The following CTNNA2 variants were observed in gnomAD, a reference collection of about 807,000 sequenced individuals.
The protein encoded by CTNNA2 is catenin alpha 2, also known as catenin alpha-2.
Under a neutral mutation model 101.0 loss-of-function variants are expected in CTNNA2, and 42 were observed. The observed-to-expected ratio is 0.42, with a 90% CI of 0.32 to 0.54. The LOEUF is 0.54. Ranked by LOEUF, CTNNA2 falls within the 20% of genes least tolerant of loss-of-function variation. CTNNA2 has a pLI of 0.14. For synonymous variants in CTNNA2, 450 were observed against 456.4 expected (o/e 0.99, Z 0.18); for missense variants, 871 against 1,223.1 (o/e 0.71, Z 4.29).
chr2:80,436,645 G>A (rs1170377784), intron 9 of CTNNA2, among the ~76,000 whole-genome samples: 1 of 152,136 alleles, frequency 6.6e-6, no homozygotes, highest in African/African-American at 2.4e-5. Flanking sequence ...CACAGTTCCA[G>A]AGGCTGGGAG....
chr2:80,004,485 T>A (rs1693186352), intron 7 of CTNNA2, among the ~76,000 whole-genome samples: 1 of 152,102 alleles, frequency 6.6e-6, no homozygotes, highest in African/African-American at 2.4e-5. Flanking sequence ...AACAAATACC[T>A]GCTGAACACT....
chr2:79,824,927 A>T (rs191106608), intron 3 of CTNNA2, among the ~76,000 whole-genome samples: 55 of 152,284 alleles, frequency 3.6e-4, no homozygotes, highest in African/African-American at 1.3e-3. Context: ...ATAGTAGTTC[A>T]CACCTGTAAT....
At chr2:80,078,480 T>C (rs1698904760) in intron 7 of CTNNA2, among the ~76,000 whole-genome samples, 1 of 152,020 alleles carries the variant, frequency 6.6e-6, no homozygotes, top group Admixed American at 6.5e-5. Flanking sequence ...TGGACATGGG[T>C]CATGTGATTA....
At chr2:79,260,467 C>CT (rs1465988381) in intron 2 of CTNNA2, among the ~76,000 whole-genome samples, 1 of 152,120 alleles carries the variant, frequency 6.6e-6, no homozygotes, top group Non-Finnish European at 1.5e-5. Flanking sequence ...TTTTATTTTC[C>CT]TAGTCACTTG....
intron 3 of CTNNA2, among the ~76,000 whole-genome samples, chr2:79,854,649 G>C (rs561070939): frequency 6.6e-6 from 1 of 152,032 alleles, no homozygotes; most frequent in Non-Finnish European, 1.5e-5. Context: ...GTTATTTTCC[G>C]TTGGTCCCTT....
chr2:80,497,645 T>C (rs1320306811), intron 9 of CTNNA2, among the ~76,000 whole-genome samples: 1 of 152,192 alleles, frequency 6.6e-6, no homozygotes, highest in Admixed American at 6.5e-5. Flanking sequence ...ATGAATATGA[T>C]GGGATAGTCA....
chr2:80,394,150 C>T (rs1677782077), intron 8 of CTNNA2, among the ~76,000 whole-genome samples: 1 of 152,210 alleles, frequency 6.6e-6, no homozygotes, highest in African/African-American at 2.4e-5. Context: ...GCAGCACCTG[C>T]TGTATTTTCT....
At chr2:79,930,264 AAGAAAGAAAGAAAGAGAGAG>A (rs1170943361) in intron 7 of CTNNA2, among the ~76,000 whole-genome samples, 23,063 of 127,986 alleles carry the variant, frequency 0.18, 2,690 homozygotes, top group Non-Finnish European at 0.22. Flanking sequence ...GAAAGAAAGA[AAGAAAGAAAGAAAGAGAGAG>A]AGAGAGAAAG....
chr2:79,711,738 G>A (rs910038808), intron 2 of CTNNA2, among the ~76,000 whole-genome samples: 1 of 152,098 alleles, frequency 6.6e-6, no homozygotes, highest in African/African-American at 2.4e-5. Context: ...AATATTTTAT[G>A]CTTTGTTGGC....
At chr2:80,095,698 TC>T (rs1375024868) in intron 7 of CTNNA2, among the ~76,000 whole-genome samples, 3 of 152,216 alleles carry the variant, frequency 2.0e-5, no homozygotes, top group Non-Finnish European at 4.4e-5. Context: ...ACTGGTCTAT[TC>T]AGAGATTCAA....
chr2:79,567,196 A>G (rs1373162406), intron 1 of CTNNA2, among the ~76,000 whole-genome samples: 1 of 152,172 alleles, frequency 6.6e-6, no homozygotes, highest in Non-Finnish European at 1.5e-5. Flanking sequence ...CATGAGGGCA[A>G]TTTAATGAAG....
chr2:80,089,971 C>G, intron 7 of CTNNA2, among the ~76,000 whole-genome samples: 1 of 152,010 alleles, frequency 6.6e-6, no homozygotes, highest in Non-Finnish European at 1.5e-5. Flanking sequence ...TTCTGTCACC[C>G]AGTCAGGGTG....
At chr2:79,629,577 G>A (rs1018355123) in intron 1 of CTNNA2, among the ~76,000 whole-genome samples, 1 of 152,122 alleles carries the variant, frequency 6.6e-6, no homozygotes, top group Non-Finnish European at 1.5e-5. Context: ...GCAAAGGAAA[G>A]GTCAGACAGG....
At chr2:80,187,580 G>A (rs774016333) in intron 7 of CTNNA2, among the ~76,000 whole-genome samples, 4 of 152,160 alleles carry the variant, frequency 2.6e-5, no homozygotes, top group Non-Finnish European at 5.9e-5. Flanking sequence ...GCCCAAGAAC[G>A]AGGGCAGTAA....
At chr2:80,566,265 T>G (rs1200389254) in intron 12 of CTNNA2, among the ~76,000 whole-genome samples, 1 of 152,190 alleles carries the variant, frequency 6.6e-6, no homozygotes, top group Non-Finnish European at 1.5e-5. Context: ...GAAGCCAGCA[T>G]CATTTTTCAT....
chr2:79,840,137 A>G (rs568761089), intron 3 of CTNNA2, among the ~76,000 whole-genome samples: 64 of 152,384 alleles, frequency 4.2e-4, no homozygotes, highest in Middle Eastern at 6.8e-3. Context: ...TCAATTATGA[A>G]TGAAACCATG....
At chr2:80,369,934 A>G (rs1010345678) in intron 7 of CTNNA2, among the ~76,000 whole-genome samples, 7 of 152,202 alleles carry the variant, frequency 4.6e-5, no homozygotes, top group Admixed American at 4.6e-4. Flanking sequence ...TCAATGCTAT[A>G]GGATTTCTGA....
At chr2:79,478,504 C>A (rs1671076316) in intron 4 of CTNNA2, among the ~76,000 whole-genome samples, 1 of 152,100 alleles carries the variant, frequency 6.6e-6, no homozygotes, top group African/African-American at 2.4e-5. Context: ...ACTCAACACC[C>A]AATTAAGCTA....
chr2:80,067,231 A>G (rs1698045439), intron 7 of CTNNA2, among the ~76,000 whole-genome samples: 1 of 152,168 alleles, frequency 6.6e-6, no homozygotes, highest in Non-Finnish European at 1.5e-5. Context: ...AAGTGTTCGC[A>G]TCACAAAAAA....
Sources: allele counts gnomAD v4.1 joint callset (sites outside exome capture counted in the v4.1 genomes callset), GRCh38; gene constraint gnomAD v4.1.1; transcripts MANE v1.5; gene names NCBI Gene and HGNC (gene_info 2026-07-23, HGNC 2026-07-21).